The following SRCIN1 variants were observed in gnomAD, a reference collection of about 807,000 sequenced individuals.
The protein encoded by SRCIN1 is SRC kinase signaling inhibitor 1, also known as P130Cas-associated protein.
A neutral mutation model predicts 116.2 loss-of-function variants in SRCIN1; 50 were observed. That is an observed-to-expected ratio of 0.43 (90% CI 0.34 to 0.54). The LOEUF (loss-of-function observed/expected upper bound fraction) is 0.54, where lower values mean the gene tolerates loss of function less well. Ranked by LOEUF, SRCIN1 falls within the 20% of genes least tolerant of loss-of-function variation. SRCIN1 has a pLI of 0.02. For missense variants in SRCIN1, 1,446 were observed against 1,672.0 expected (o/e 0.86, Z 2.36); for synonymous variants, 736 against 750.0 (o/e 0.98, Z 0.30).
Position 38,552,418 on chromosome 17 carries a change from G to A in SRCIN1, c.2480+29C>T, listed in dbSNP as rs776924242. 117 of 1,586,372 alleles carry A rather than the reference G, an allele frequency of 7.4e-5. No homozygotes were observed. Among genetic ancestry groups the A allele is most frequent in the Non-Finnish European group, 9.7e-5 (113 of 1,167,896 alleles). ...GTCTGGGCCCGGTGTGTGAACCCAT[G>A]GGAAATCAGAGGTCAGGGACAGAAT... On this transcript the variant is annotated intron_variant, in intron 13 of 18. Transcript: ENST00000617146. The surrounding 1 kb of genome is among the most constrained non-coding windows in gnomAD (Gnocchi z 5.3).
intron 1 of SRCIN1, among the ~76,000 whole-genome samples, chr17:38,586,651 C>G (rs1908128670): frequency 1.3e-5 from 2 of 152,214 alleles, no homozygotes; most frequent in Admixed American, 6.5e-5. Context: ...TCCACAGAAG[C>G]TGGGCATCCA....
Position 38,563,685 on chromosome 17 carries a change from G to T in SRCIN1, c.542-164C>A. ...GCACCCAGGCACCTCTCATGCTGCCGGCGGGGGCGCCAGGCCGGCTCTCCA... is the reference window on the plus strand; with the variant it reads ...GCACCCAGGCACCTCTCATGCTGCCTGCGGGGGCGCCAGGCCGGCTCTCCA... On this transcript the variant is annotated intron_variant, in intron 4 of 18. Transcript: ENST00000617146. The surrounding 1 kb of genome is among the most constrained non-coding windows in gnomAD (Gnocchi z 5.8). 9.9e-7 allele frequency: 1 copy of T among 1,007,038 alleles called. No homozygotes were observed. Among genetic ancestry groups the T allele is most frequent in the Non-Finnish European group, 1.5e-6 (1 of 666,400 alleles). 62.4% of individuals were successfully genotyped at this position (1,007,038 alleles called of 1,614,324 possible).
At chr17:38,599,742 G>A (rs1039181708) in intron 1 of SRCIN1, among the ~76,000 whole-genome samples, 1 of 152,212 alleles carries the variant, frequency 6.6e-6, no homozygotes, top group African/African-American at 2.4e-5. Context: ...CAGCAGACAG[G>A]ATGAGGGCAG....
At chr17:38,584,230 TG>T (rs1021460497) in intron 1 of SRCIN1, among the ~76,000 whole-genome samples, 1 of 152,134 alleles carries the variant, frequency 6.6e-6, no homozygotes, top group Admixed American at 6.5e-5. Flanking sequence ...GGAGGGGCGT[TG>T]GGCCTGAAGG....
rs1350619236 is a variant in SRCIN1 at position 38,564,268 on chromosome 17, C to G, written c.391G>C (p.Asp131His). Residue 131 changes from aspartate (D) to histidine (H), a missense_variant, in exon 4 of 19, where the codon GAC (aspartate) becomes CAC (histidine). Asp to His is a moderately conservative substitution (Grantham distance 81). Coordinates refer to ENST00000617146, the MANE Select transcript of SRCIN1 (RefSeq NM_025248.3). ...GCGTAGGACAGCTTTGCCGCCTGGT[C>G]TGCCAGCCCGGGCTGGGCTCCCTGA... ...HTQGAQPGLA[D>H]QAAKLSYASA... 2 of 1,573,472 alleles carry G rather than the reference C, an allele frequency of 1.3e-6. No homozygotes were observed. The highest frequency in any genetic ancestry group is 2.3e-5 in the East Asian group (1 of 42,906).
intron 2 of SRCIN1, among the ~76,000 whole-genome samples, chr17:38,569,776 C>A (rs1029758858): frequency 2.6e-5 from 4 of 152,162 alleles, no homozygotes; most frequent in African/African-American, 9.7e-5. Context: ...ACTGAGGCCA[C>A]CCCCAGTGGT....
At position 38,568,286 on chromosome 17, in the gene SRCIN1, GAGGGGC is replaced by G; in HGVS notation, c.325-61_325-56del. 6.3e-7 allele frequency: 1 copy of G among 1,587,106 alleles called. No homozygotes were observed. Among genetic ancestry groups the G allele is most frequent in the Non-Finnish European group, 8.6e-7 (1 of 1,160,888 alleles). On this transcript the variant is annotated intron_variant, in intron 2 of 18. Coordinates refer to ENST00000617146, the MANE Select transcript of SRCIN1 (RefSeq NM_025248.3). The surrounding 1 kb of genome is among the most constrained non-coding windows in gnomAD (Gnocchi z 4.5). ...TATGAGGGGGCCCAGGAGGGGAAAA[GAGGGGC>G]AGGGGCAGGTTAGAGACCCTTGGAA...
chr17:38,605,001 T>C (rs1032768285), intron 1 of SRCIN1, among the ~76,000 whole-genome samples: 2 of 151,764 alleles, frequency 1.3e-5, no homozygotes, highest in African/African-American at 4.8e-5. Flanking sequence ...AGCGGGGAGC[T>C]GGTCCCCAGT....
intron 11 of SRCIN1, among the ~76,000 whole-genome samples, chr17:38,554,037 CCT>C (rs907907806): frequency 1.3e-5 from 2 of 152,138 alleles, no homozygotes; most frequent in Non-Finnish European, 2.9e-5. Flanking sequence ...ATGGCGAAAC[CCT>C]GTCTTTACTA....
Position 38,549,149 on chromosome 17 carries a change from AG to A in SRCIN1, c.3023del (p.Pro1008LeufsTer12). On this transcript the variant is annotated frameshift_variant, in exon 16 of 19. Coordinates refer to ENST00000617146, the MANE Select transcript of SRCIN1 (RefSeq NM_025248.3). LOFTEE classifies it high-confidence loss of function. ...EKPSKSPPPP[P>X]PRRSFPSSHG... ...GGGAGGAGGGGAAGCTCCGGCGGGG[AG>A]GGGGCGGTGGGGGCGACTTGGAGGG... The A allele has an allele frequency of 1.3e-6, 1 of 745,534 alleles. No homozygotes were observed. 46.2% of individuals were successfully genotyped at this position (745,534 alleles called of 1,614,324 possible). A position where few individuals can be genotyped will look rare whatever the true frequency, so the allele number is the denominator to read the frequency against.
Position 38,604,676 on chromosome 17 carries a change from G to A in SRCIN1, c.22+1008C>T. The A allele has an allele frequency of 2.7e-6, 1 of 374,702 alleles. No homozygotes were observed. The highest frequency in any genetic ancestry group is 5.3e-6 in the Non-Finnish European group (1 of 188,606). The allele number at this position is 374,702 out of a possible 1,614,324, so 23.2% of individuals were successfully genotyped here. A position where few individuals can be genotyped will look rare whatever the true frequency, so the allele number is the denominator to read the frequency against. On this transcript the variant is annotated intron_variant, in intron 1 of 18. Coordinates refer to ENST00000617146, the MANE Select transcript of SRCIN1 (RefSeq NM_025248.3). This position sits in a 1 kb window ranked among gnomAD's most constrained non-coding sequence, Gnocchi z 4.3. ...GCCGGGCCCTGACAGCTGAGCTGCG[G>A]AGGCACCCGGCCTGTCCCCTCTGCT...
chr17:38,601,661 C>CGT (rs1356857186), intron 1 of SRCIN1, among the ~76,000 whole-genome samples: 3 of 143,440 alleles, frequency 2.1e-5, no homozygotes. Flanking sequence ...CACGCTCGCG[C>CGT]GCACACACAC....
At chr17:38,583,848 A>C (rs1907961285) in intron 1 of SRCIN1, among the ~76,000 whole-genome samples, 2 of 152,084 alleles carry the variant, frequency 1.3e-5, no homozygotes, top group South Asian at 4.1e-4. Context: ...CCACCGCGCC[A>C]GGCCAAAGTA....
chr17:38,580,162 C>CGCCA (rs1162720724), intron 1 of SRCIN1, among the ~76,000 whole-genome samples: 39 of 151,266 alleles, frequency 2.6e-4, no homozygotes, highest in Middle Eastern at 3.4e-3. Context: ...AGCCTCCTCC[C>CGCCA]GCCAAGCATC....
At position 38,562,893 on chromosome 17, in the gene SRCIN1, C is replaced by A; in HGVS notation, c.768G>T (p.Lys256Asn). ...CGTAGAGGGGCTCCTTTCTGTAGATCTTGATAATACTGCGGTCCTGGATGT... is the reference window on the plus strand; with the variant it reads ...CGTAGAGGGGCTCCTTTCTGTAGATATTGATAATACTGCGGTCCTGGATGT... ...VRDIQDRSII[K>N]IYRKEPLYAA... The change falls in exon 6 of 19, where the codon AAG becomes AAT. Residue 256 changes from lysine (K) to asparagine (N), a missense_variant. Lys to Asn is a moderately conservative substitution (Grantham distance 94, BLOSUM62 0). Coordinates refer to ENST00000617146, the MANE Select transcript of SRCIN1 (RefSeq NM_025248.3). The surrounding 1 kb of genome is among the most constrained non-coding windows in gnomAD (Gnocchi z 4.2). 6.2e-7 allele frequency: 1 copy of A among 1,613,828 alleles called. No homozygotes were observed. Among genetic ancestry groups the A allele is most frequent in the Non-Finnish European group, 8.5e-7 (1 of 1,179,832 alleles).
At chr17:38,595,606 G>A (rs1908683622) in intron 1 of SRCIN1, among the ~76,000 whole-genome samples, 1 of 152,208 alleles carries the variant, frequency 6.6e-6, no homozygotes, top group Non-Finnish European at 1.5e-5. Context: ...GCATGTGACT[G>A]TAAGCTAAAC....
chr17:38,605,049 C>G (rs902661312), intron 1 of SRCIN1, among the ~76,000 whole-genome samples: 18 of 152,006 alleles, frequency 1.2e-4, no homozygotes, highest in South Asian at 4.1e-4. Flanking sequence ...GTCTCCAGGG[C>G]TAGGGCCTCG....
In SRCIN1 at chr17:38,548,637, G is replaced by A. The variant is rs757306777; in HGVS notation, c.3190C>T (p.Arg1064Cys). The A allele has an allele frequency of 1.4e-5, 23 of 1,613,004 alleles. No individual in the cohort carries two copies. The highest frequency in any genetic ancestry group is 1.6e-5 in the Non-Finnish European group (19 of 1,179,758). ...ATGATGGGTGGTGTGGAGGCTGGGC[G>A]GGCCACCTCAGACACAGCCCGGCGC... ...KLRRAVSEVA[R>C]PASTPPIMAS... The change falls in exon 17 of 19, where the codon CGC (arginine) becomes TGC (cysteine). Residue 1064 changes from arginine (R) to cysteine (C), a missense_variant. This residue lies in a region of SRCIN1 where 531 missense variants were observed against 633.9 expected (regional missense o/e 0.84). Coordinates refer to ENST00000617146, the MANE Select transcript of SRCIN1 (RefSeq NM_025248.3).
At chr17:38,596,156 A>G (rs1201057130) in intron 1 of SRCIN1, among the ~76,000 whole-genome samples, 1 of 152,198 alleles carries the variant, frequency 6.6e-6, no homozygotes, top group Admixed American at 6.5e-5. Flanking sequence ...AAAGGAGGAA[A>G]GTCGTGAATG....
Sources: gnomAD v4.1 joint callset for allele counts (sites outside exome capture counted in the v4.1 genomes callset) on GRCh38, gnomAD v4.1.1 for gene constraint, gnomAD v4.1.1 regional missense constraint, Gnocchi (gnomAD v3.1) non-coding constraint, MANE v1.5 for transcripts, NCBI Gene and HGNC (gene_info 2026-07-23, HGNC 2026-07-21) for gene names.